COG3: variants seen among roughly 807,000 people sequenced by gnomAD.
The protein encoded by COG3 is conserved oligomeric Golgi complex subunit 3.
COG3 carries 32 observed loss-of-function variants against 114.1 expected under a neutral mutation model. The observed-to-expected ratio is 0.28, with a 90% CI of 0.21 to 0.38. The LOEUF (loss-of-function observed/expected upper bound fraction) is 0.38. COG3 is among the 10% of genes least tolerant of loss of function. The pLI, the probability that COG3 is intolerant of heterozygous loss-of-function variation, is 1.00. For synonymous variants in COG3, 352 were observed against 365.7 expected (o/e 0.96, Z 0.43); for missense variants, 813 against 973.2 (o/e 0.84, Z 2.19).
At position 45,524,148 on chromosome 13, in the gene COG3, T is replaced by C. The variant is rs538319676; in HGVS notation, c.2155-828T>C. Reference sequence around the variant, plus strand: ...CCCTGTGTCTGCCTAAATGTTTGTATGGCCTTTTGTCTGAGAAATCTAGAG... The same window carrying C: ...CCCTGTGTCTGCCTAAATGTTTGTACGGCCTTTTGTCTGAGAAATCTAGAG... On this transcript the variant is annotated intron_variant, in intron 19 of 22. Coordinates refer to ENST00000349995, the MANE Select transcript of COG3 (RefSeq NM_031431.4). 1.1e-3 allele frequency among the ~76,000 whole-genome samples: 160 copies of C among 152,346 alleles called. 1 individual carries two copies. Among genetic ancestry groups the C allele is most frequent in the Non-Finnish European group, 2.1e-3 (143 of 68,026 alleles).
chr13:45,508,403 TACACAC>T (rs1182268847), intron 14 of COG3, among the ~76,000 whole-genome samples: 4 of 133,050 alleles, frequency 3.0e-5, no homozygotes, highest in Non-Finnish European at 4.6e-5. Context: ...TATATATATA[TACACAC>T]ACACACACAC....
intron 3 of COG3, among the ~76,000 whole-genome samples, chr13:45,479,276 A>T (rs958421489): frequency 6.6e-6 from 1 of 152,208 alleles, no homozygotes; most frequent in Non-Finnish European, 1.5e-5. Flanking sequence ...ATTACATTAT[A>T]ATTAATAGGT....
Position 45,465,104 on chromosome 13 carries a change from C to T in COG3, c.68C>T (p.Ala23Val). 2 of 1,612,466 alleles carry T rather than the reference C, an allele frequency of 1.2e-6. No individual in the cohort carries two copies. The highest frequency in any genetic ancestry group is 1.7e-6 in the Non-Finnish European group (2 of 1,179,662). Residue 23 changes from alanine to valine, a missense_variant, in exon 1 of 23, where the codon GCT becomes GTT. Ala to Val is a moderately conservative substitution (Grantham distance 64). Around this residue, in one of 2 missense-constraint regions of COG3, gnomAD observed 424 missense variants for 430.6 expected, o/e 0.98. Transcript: ENST00000349995. Reference protein sequence around the residue: ...AAERDAREKLALWDRRPDTTA... With the variant: ...AAERDAREKLVLWDRRPDTTA... ...GAGCGGGACGCTAGGGAAAAGCTGGCTCTCTGGGATCGGAGACCGGACACG... is the reference window on the plus strand; with the variant it reads ...GAGCGGGACGCTAGGGAAAAGCTGGTTCTCTGGGATCGGAGACCGGACACG...
chr13:45,530,647 C>A, intron 21 of COG3, 35 bp from the exon 22 acceptor site: 1 of 1,286,612 alleles, frequency 7.8e-7, no homozygotes, highest in Non-Finnish European at 1.1e-6. Flanking sequence ...TTTAAGACAA[C>A]TCATTTGATA....
In COG3 at chr13:45,522,056, C is replaced by T. The variant is rs8002272; in HGVS notation, c.2155-2920C>T. Among the ~76,000 whole-genome samples, 143 of 152,244 alleles carry T rather than the reference C, an allele frequency of 9.4e-4. 1 individual carries two copies. The highest frequency in any genetic ancestry group is 3.2e-3 in the African/African-American group (132 of 41,538). On this transcript the variant is annotated intron_variant, in intron 19 of 22. Coordinates refer to ENST00000349995, the MANE Select transcript of COG3 (RefSeq NM_031431.4). ...TTGGCCTCAAGGGATCTGCTCTCCT[C>T]GGCCACCCAAAGTGCTGAGATAACA...
chr13:45,494,846 T>C (rs1868550363), intron 12 of COG3, among the ~76,000 whole-genome samples: 1 of 143,988 alleles, frequency 6.9e-6, no homozygotes, highest in African/African-American at 2.6e-5. Context: ...TGATTTTTTT[T>C]TTCTTTTTTT....
chr13:45,514,212 G>A (rs891747786), intron 16 of COG3, among the ~76,000 whole-genome samples: 1 of 142,996 alleles, frequency 7.0e-6, no homozygotes, highest in African/African-American at 2.6e-5. Flanking sequence ...CCACGCTGGA[G>A]TGCAGTGGCG....
intron 1 of COG3, among the ~76,000 whole-genome samples, chr13:45,469,566 A>G (rs1885345812): frequency 6.6e-6 from 1 of 152,250 alleles, no homozygotes. Flanking sequence ...GAGATAGTAC[A>G]GGTGACAGAA....
At chr13:45,476,372 G>T in intron 2 of COG3, 25 bp downstream of exon 2, 2 of 1,608,246 alleles carry the variant, frequency 1.2e-6, no homozygotes, top group Non-Finnish European at 1.7e-6. Flanking sequence ...CTTTTCTAAG[G>T]ATGTTTGATT....
At chr13:45,495,831 A>G (rs916795999) in intron 12 of COG3, among the ~76,000 whole-genome samples, 1 of 152,206 alleles carries the variant, frequency 6.6e-6, no homozygotes, top group Non-Finnish European at 1.5e-5. Flanking sequence ...TTAATAAGCT[A>G]CCTTAGCAAT....
At chr13:45,477,591 A>T (rs1885954038) in intron 2 of COG3, among the ~76,000 whole-genome samples, 1 of 151,584 alleles carries the variant, frequency 6.6e-6, no homozygotes, top group African/African-American at 2.4e-5. Flanking sequence ...TCAGGCCAGA[A>T]TTCAGATCCA....
chr13:45,521,576 T>TGCAC (rs578160079), intron 19 of COG3, among the ~76,000 whole-genome samples: 90 of 119,744 alleles, frequency 7.5e-4, no homozygotes, highest in Non-Finnish European at 1.2e-3. Flanking sequence ...GATACATACG[T>TGCAC]GCACACACAC....
At chr13:45,530,023 C>T (rs182714116) in intron 21 of COG3, 105 bp downstream of exon 21, 15 of 1,303,226 alleles carry the variant, frequency 1.2e-5, no homozygotes, top group Non-Finnish European at 1.6e-5. Flanking sequence ...TGTTGGTATA[C>T]TGTTCTAGTG....
intron 21 of COG3, among the ~76,000 whole-genome samples, 158 bp from the exon 22 acceptor site, chr13:45,530,524 A>C (rs1369457074): frequency 6.6e-6 from 1 of 152,246 alleles, no homozygotes; most frequent in Non-Finnish European, 1.5e-5. Flanking sequence ...AGGTCATGCC[A>C]GCACTGAAAT....
chr13:45,501,594 C>T (rs972896526), intron 13 of COG3, among the ~76,000 whole-genome samples: 11 of 152,122 alleles, frequency 7.2e-5, no homozygotes, highest in South Asian at 4.1e-4. Flanking sequence ...CTCCTAGAAT[C>T]GACCATTTCT....
chr13:45,503,419 C>G, intron 14 of COG3, 70 bp downstream of exon 14: 2 of 823,784 alleles, frequency 2.4e-6, no homozygotes, highest in Non-Finnish European at 4.1e-6. Flanking sequence ...AGGACTTGTC[C>G]TGTCCCAGAC....
intron 14 of COG3, among the ~76,000 whole-genome samples, chr13:45,505,623 C>CT (rs1019162119): frequency 1.6e-4 from 23 of 146,852 alleles, no homozygotes; most frequent in East Asian, 4.0e-4. Context: ...TTTCTTTTTA[C>CT]TTTTTTTTTT....
chr13:45,486,215 C>T (rs1367426579), intron 7 of COG3, among the ~76,000 whole-genome samples: 1 of 144,636 alleles, frequency 6.9e-6, no homozygotes, highest in Non-Finnish European at 1.5e-5. Flanking sequence ...GCAGGAGAAT[C>T]AGGCAGGGAG....
chr13:45,508,873 T>C (rs1870539483), intron 14 of COG3, among the ~76,000 whole-genome samples: 1 of 152,198 alleles, frequency 6.6e-6, no homozygotes, highest in African/African-American at 2.4e-5. Context: ...GAATTGGATG[T>C]ACTAACTAGG....
Sources: gnomAD v4.1 joint callset for allele counts (sites outside exome capture counted in the v4.1 genomes callset) on GRCh38, gnomAD v4.1.1 for gene constraint, gnomAD v4.1.1 regional missense constraint, MANE v1.5 for transcripts, NCBI Gene and HGNC (gene_info 2026-07-23, HGNC 2026-07-21) for gene names.